Variants in CTNND2 observed in about 807,000 individuals in gnomAD.
The protein encoded by CTNND2 is catenin delta-2.
CTNND2 carries 22 observed loss-of-function variants against 144.4 expected under a neutral mutation model. That is an observed-to-expected ratio of 0.15 (90% CI 0.11 to 0.22). The LOEUF (loss-of-function observed/expected upper bound fraction) is 0.22. Among genes scored for constraint, CTNND2 ranks in the 10% least tolerant of loss-of-function variants. CTNND2 has a pLI of 1.00. For synonymous variants in CTNND2, 751 were observed against 695.6 expected (o/e 1.08, Z -1.25); for missense variants, 1,353 against 1,618.8 (o/e 0.84, Z 2.82).
At chr5:11,674,610 T>C (rs1159961335) in intron 2 of CTNND2, among the ~76,000 whole-genome samples, 1 of 152,258 alleles carries the variant, frequency 6.6e-6, no homozygotes, top group Non-Finnish European at 1.5e-5. Flanking sequence ...ACAACATGCA[T>C]AGATAAACTC....
intron 2 of CTNND2, among the ~76,000 whole-genome samples, chr5:11,603,262 A>G (rs1581593940): frequency 6.6e-6 from 1 of 152,306 alleles, no homozygotes; most frequent in East Asian, 1.9e-4. Flanking sequence ...AATGTTGCCC[A>G]CCTACTTTTG....
intron 15 of CTNND2, among the ~76,000 whole-genome samples, chr5:11,093,133 A>G (rs1454284577): frequency 6.6e-6 from 1 of 152,254 alleles, no homozygotes; most frequent in Non-Finnish European, 1.5e-5. Flanking sequence ...ATAAATGGCA[A>G]ATAACAGATG....
chr5:11,465,252 A>C (rs1766555210), intron 3 of CTNND2, among the ~76,000 whole-genome samples: 1 of 151,978 alleles, frequency 6.6e-6, no homozygotes, highest in Admixed American at 6.6e-5. Context: ...TTTACTATGC[A>C]TACCTATCCA....
In CTNND2 at chr5:11,823,610, A is replaced by G. The variant is rs150987269; in HGVS notation, c.37+80207T>C. Reference sequence around the variant, plus strand: ...ATTAGCCAAATTGATGGTATATGCTATACTTTTTTATATAATATTTTATAA... The same window carrying G: ...ATTAGCCAAATTGATGGTATATGCTGTACTTTTTTATATAATATTTTATAA... On this transcript the variant is annotated intron_variant, in intron 1 of 21. Coordinates refer to ENST00000304623, the MANE Select transcript of CTNND2 (RefSeq NM_001332.4). 3.1e-3 allele frequency among the ~76,000 whole-genome samples: 474 copies of G among 152,286 alleles called. 3 individuals are homozygous for G. Among genetic ancestry groups the G allele is most frequent in the African/African-American group, 0.011 (451 of 41,564 alleles).
intron 14 of CTNND2, among the ~76,000 whole-genome samples, chr5:11,103,789 T>C (rs868844804): frequency 2.9e-4 from 44 of 152,202 alleles, no homozygotes; most frequent in African/African-American, 9.6e-4. Flanking sequence ...AGGAGTACTC[T>C]AATTATCACA....
At chr5:11,389,859 C>A (rs560438062) in intron 6 of CTNND2, among the ~76,000 whole-genome samples, 1 of 152,136 alleles carries the variant, frequency 6.6e-6, no homozygotes, top group Non-Finnish European at 1.5e-5. Flanking sequence ...GTATAATGTA[C>A]ATAAACTTTG....
At chr5:11,853,929 C>T (rs1437965786) in intron 1 of CTNND2, among the ~76,000 whole-genome samples, 1 of 152,198 alleles carries the variant, frequency 6.6e-6, no homozygotes, top group Admixed American at 6.5e-5. Context: ...CCGTGTCCAC[C>T]ACTGCTGTCC....
Position 11,199,486 on chromosome 5 carries a change from C to A in CTNND2, c.1937G>T (p.Arg646Leu). The A allele has an allele frequency of 6.2e-7, 1 of 1,614,178 alleles. No individual in the cohort carries two copies. The highest frequency in any genetic ancestry group is 1.1e-5 in the South Asian group (1 of 91,084). ...GGIPALVRLL[R>L]KTTDLEIREL... is the part of the protein sequence containing the mutation. Reference sequence around the variant, plus strand: ...CCGGATCTCCAGGTCAGTCGTCTTGCGGAGTAACCTCACCAGTGCTGGGAT... The same window carrying A: ...CCGGATCTCCAGGTCAGTCGTCTTGAGGAGTAACCTCACCAGTGCTGGGAT... Residue 646 changes from arginine (R) to leucine (L), a missense_variant, in exon 11 of 22, where the codon CGC becomes CTC. Arg to Leu is a moderately radical substitution (Grantham distance 102). This residue lies in a region of CTNND2 where 117 missense variants were observed against 117.8 expected (regional missense o/e 0.99). Coordinates refer to ENST00000304623, the MANE Select transcript of CTNND2 (RefSeq NM_001332.4).
intron 6 of CTNND2, among the ~76,000 whole-genome samples, chr5:11,396,541 A>C (rs1316303156): frequency 1.3e-5 from 2 of 152,206 alleles, no homozygotes; most frequent in Non-Finnish European, 2.9e-5. Context: ...GCTATGCCTA[A>C]ACTCATCACA....
chr5:11,797,790 A>G (rs1167782390), intron 1 of CTNND2, among the ~76,000 whole-genome samples: 2 of 152,220 alleles, frequency 1.3e-5, no homozygotes, highest in Non-Finnish European at 2.9e-5. Context: ...TGAATAGTCT[A>G]AATTTGTAGT....
intron 1 of CTNND2, among the ~76,000 whole-genome samples, chr5:11,824,547 G>C (rs1581957544): frequency 6.6e-6 from 1 of 152,268 alleles, no homozygotes; most frequent in African/African-American, 2.4e-5. Flanking sequence ...TAATTGAAGG[G>C]AAATCTCTAG....
At chr5:11,211,190 C>A (rs1461800064) in intron 10 of CTNND2, among the ~76,000 whole-genome samples, 1 of 152,028 alleles carries the variant, frequency 6.6e-6, no homozygotes, top group African/African-American at 2.4e-5. Flanking sequence ...AGCAAAGACT[C>A]AGTGACATGA....
chr5:11,622,919 C>G (rs544836318), intron 2 of CTNND2, among the ~76,000 whole-genome samples: 2 of 152,244 alleles, frequency 1.3e-5, no homozygotes, highest in African/African-American at 4.8e-5. Context: ...TTAAATCCTT[C>G]TTTTATTGTT....
intron 2 of CTNND2, among the ~76,000 whole-genome samples, chr5:11,646,478 T>G (rs951671644): frequency 6.6e-6 from 1 of 152,166 alleles, no homozygotes; most frequent in Non-Finnish European, 1.5e-5. Context: ...GATGTGCCAG[T>G]GTACTCTTGC....
intron 1 of CTNND2, among the ~76,000 whole-genome samples, chr5:11,752,313 T>C (rs1415058397): frequency 6.6e-6 from 1 of 151,892 alleles, no homozygotes; most frequent in Non-Finnish European, 1.5e-5. Flanking sequence ...TAGGTTATCA[T>C]CAGGGTTTTT....
chr5:11,748,826 G>A (rs1043234727), intron 1 of CTNND2, among the ~76,000 whole-genome samples: 9 of 151,922 alleles, frequency 5.9e-5, no homozygotes, highest in South Asian at 2.1e-4. Flanking sequence ...CTCTCTTCAC[G>A]AAGTAGAGCT....
chr5:11,392,512 A>T (rs61749817), intron 6 of CTNND2, among the ~76,000 whole-genome samples: 1,759 of 152,306 alleles, frequency 0.012, 27 homozygotes, highest in East Asian at 0.05. Context: ...CAATAGCCCA[A>T]ATATTTGCTC....
At chr5:11,198,959 T>G (rs1190228241) in intron 11 of CTNND2, among the ~76,000 whole-genome samples, 1 of 152,250 alleles carries the variant, frequency 6.6e-6, no homozygotes, top group Admixed American at 6.5e-5. Flanking sequence ...AAAGCTTTAA[T>G]GTTCCCTTTT....
At chr5:11,630,743 G>A (rs2126465834) in intron 2 of CTNND2, among the ~76,000 whole-genome samples, 1 of 152,172 alleles carries the variant, frequency 6.6e-6, no homozygotes, top group Non-Finnish European at 1.5e-5. Context: ...CCTGAGGTCA[G>A]GAGTTTGAGA....
Sources: allele counts gnomAD v4.1 joint callset (sites outside exome capture counted in the v4.1 genomes callset), GRCh38; gene constraint gnomAD v4.1.1; regional missense constraint gnomAD v4.1.1; transcripts MANE v1.5; gene names NCBI Gene and HGNC (gene_info 2026-07-23, HGNC 2026-07-21).